LIPC: variants seen among roughly 807,000 people sequenced by gnomAD.
The protein encoded by LIPC is lipase C, hepatic type.
In LIPC, 44 loss-of-function variants were observed where a neutral mutation model predicts 50.7. That is an observed-to-expected ratio of 0.87 (90% CI 0.68 to 1.11). The LOEUF is 1.11. Ranked by LOEUF, LIPC falls within the 50% of genes most tolerant of loss-of-function variation. The pLI is 0.00. For synonymous variants in LIPC, 271 were observed against 256.4 expected (o/e 1.06, Z -0.54); for missense variants, 697 against 648.2 (o/e 1.08, Z -0.82).
chr15:58,541,472 A>G (rs1893320406), intron 2 of LIPC, among the ~76,000 whole-genome samples: 1 of 148,866 alleles, frequency 6.7e-6, no homozygotes, highest in Admixed American at 6.8e-5. Flanking sequence ...AAACATTAAG[A>G]TAATTGTTCT....
chr15:58,545,389 C>G (rs1893485870), intron 4 of LIPC, among the ~76,000 whole-genome samples: 1 of 152,200 alleles, frequency 6.6e-6, no homozygotes, highest in Non-Finnish European at 1.5e-5. Context: ...CAGGCACAGG[C>G]CACCACATCC....
intron 6 of LIPC, among the ~76,000 whole-genome samples, chr15:58,548,946 C>T (rs1263344275): frequency 6.6e-6 from 1 of 152,236 alleles, no homozygotes; most frequent in Non-Finnish European, 1.5e-5. Flanking sequence ...GAACCCAGTT[C>T]TTTCATCTCT....
At chr15:58,449,115 G>A (rs1170885881) in intron 1 of LIPC, among the ~76,000 whole-genome samples, 1 of 152,182 alleles carries the variant, frequency 6.6e-6, no homozygotes, top group Non-Finnish European at 1.5e-5. Flanking sequence ...GATTAGTCAT[G>A]CTGGGGAGGC....
chr15:58,447,580 C>G (rs1893744937), intron 1 of LIPC, among the ~76,000 whole-genome samples: 1 of 152,234 alleles, frequency 6.6e-6, no homozygotes, highest in South Asian at 2.1e-4. Flanking sequence ...CACTTCACCA[C>G]AATGCTCAGG....
chr15:58,552,941 G>C (rs1352010222), intron 6 of LIPC, among the ~76,000 whole-genome samples: 1 of 152,180 alleles, frequency 6.6e-6, no homozygotes, highest in African/African-American at 2.4e-5. Flanking sequence ...CTCAAAACCT[G>C]CCCCGGTCAG....
At chr15:58,436,727 A>C in intron 1 of LIPC, 1 of 456,302 alleles carries the variant, frequency 2.2e-6, no homozygotes, top group South Asian at 1.5e-5. Context: ...AGGAATGAGT[A>C]GAGAAGCAGA....
chr15:58,460,394 G>C (rs549603142), intron 1 of LIPC, among the ~76,000 whole-genome samples: 1 of 152,328 alleles, frequency 6.6e-6, no homozygotes, highest in South Asian at 2.1e-4. Flanking sequence ...AGGCTGGATG[G>C]GAGGCAGGGT....
chr15:58,510,768 C>T (rs1275455898), intron 1 of LIPC, among the ~76,000 whole-genome samples: 1 of 152,222 alleles, frequency 6.6e-6, no homozygotes, highest in Admixed American at 6.5e-5. Flanking sequence ...GTATATCATG[C>T]TATTTGTGTA....
intron 1 of LIPC, among the ~76,000 whole-genome samples, chr15:58,521,070 C>A (rs752024527): frequency 2.0e-5 from 3 of 152,086 alleles, no homozygotes; most frequent in African/African-American, 4.8e-5. Flanking sequence ...TCCTAGAGGG[C>A]GGACAGAGGC....
chr15:58,441,754 A>G (rs1893515641), intron 1 of LIPC, among the ~76,000 whole-genome samples: 2 of 152,238 alleles, frequency 1.3e-5, no homozygotes, highest in African/African-American at 4.8e-5. Context: ...ATTATTTAAT[A>G]TAATCAATAA....
chr15:58,448,284 G>A (rs145023504), intron 1 of LIPC, among the ~76,000 whole-genome samples: 2 of 152,304 alleles, frequency 1.3e-5, no homozygotes, highest in Admixed American at 6.5e-5. Flanking sequence ...TTTCCAAGCC[G>A]TTTCTTGCAG....
intron 1 of LIPC, among the ~76,000 whole-genome samples, chr15:58,461,903 C>T (rs2140710364): frequency 6.6e-6 from 1 of 152,146 alleles, no homozygotes; most frequent in South Asian, 2.1e-4. Context: ...TCCACCCCTC[C>T]ACACCTGCCT....
At chr15:58,465,978 A>G (rs1232507629) in intron 1 of LIPC, among the ~76,000 whole-genome samples, 1 of 152,230 alleles carries the variant, frequency 6.6e-6, no homozygotes. Flanking sequence ...ATCAAGCCCC[A>G]TCTCCTGATG....
In LIPC at chr15:58,534,847, T is replaced by C. The variant is rs184936381; in HGVS notation, c.89-3486T>C. 7.0e-3 allele frequency among the ~76,000 whole-genome samples: 1,064 copies of C among 152,346 alleles called. 10 individuals are homozygous for C. Among genetic ancestry groups the C allele is most frequent in the African/African-American group, 0.024 (1,015 of 41,586 alleles). On this transcript the variant is annotated intron_variant, in intron 1 of 8. Transcript: ENST00000299022. ...CTTTATTGTTTTACTGCCCTTATTT[T>C]CTCTTTGTCCCAAGTTCTTCAACTA... is the stretch of plus-strand genomic sequence containing the variant.
At chr15:58,465,074 G>C (rs1894500658) in intron 1 of LIPC, among the ~76,000 whole-genome samples, 1 of 152,206 alleles carries the variant, frequency 6.6e-6, no homozygotes. Flanking sequence ...GTTTGCACTG[G>C]AGGAAAGAAA....
intron 1 of LIPC, chr15:58,473,645 G>A (rs1890885405): frequency 6.6e-6 from 1 of 152,208 alleles, no homozygotes; most frequent in Non-Finnish European, 1.5e-5. Flanking sequence ...GTACTTACTA[G>A]ACGCCAGGCA....
At chr15:58,434,184 A>G (rs1205499734) in intron 1 of LIPC, among the ~76,000 whole-genome samples, 1 of 151,928 alleles carries the variant, frequency 6.6e-6, no homozygotes, top group Non-Finnish European at 1.5e-5. Context: ...CCTCACAACA[A>G]TGAATTGTCT....
chr15:58,516,120 C>G (rs1424405838), intron 1 of LIPC, among the ~76,000 whole-genome samples: 1 of 151,948 alleles, frequency 6.6e-6, no homozygotes, highest in African/African-American at 2.4e-5. Flanking sequence ...CGCATCTTTG[C>G]TTGAACCTTA....
intron 1 of LIPC, among the ~76,000 whole-genome samples, chr15:58,459,338 A>G (rs1475322164): frequency 3.3e-5 from 5 of 151,726 alleles, no homozygotes; most frequent in Admixed American, 6.6e-5. Context: ...TGCTGGTGAC[A>G]TTGTAGTTCT....
Sources: allele counts gnomAD v4.1 joint callset (sites outside exome capture counted in the v4.1 genomes callset), GRCh38; gene constraint gnomAD v4.1.1; transcripts MANE v1.5; gene names NCBI Gene and HGNC (gene_info 2026-07-23, HGNC 2026-07-21).